The following MUC20 variants were observed in gnomAD, a reference collection of about 807,000 sequenced individuals.
The protein encoded by MUC20 is mucin 20, cell surface associated.
In MUC20, 14 loss-of-function variants were observed where a neutral mutation model predicts 23.8. The ratio of observed to expected loss-of-function variants is 0.59; its 90% CI spans 0.39 to 0.92. The LOEUF (loss-of-function observed/expected upper bound fraction) is 0.92. Ranked by LOEUF, MUC20 falls within the 40% of genes least tolerant of loss-of-function variation. MUC20 has a pLI of 0.00. For missense variants in MUC20, 375 were observed against 668.8 expected (o/e 0.56, Z 4.85); for synonymous variants, 166 against 279.3 (o/e 0.59, Z 4.04).
rs746427196 is a variant in MUC20 at position 195,726,369 on chromosome 3, C to T, written c.1766C>T (p.Thr589Ile). The T allele has an allele frequency of 1.5e-5, 25 of 1,613,888 alleles. No homozygotes were observed. The highest frequency in any genetic ancestry group is 2.0e-5 in the Non-Finnish European group (24 of 1,179,790). Residue 589 changes from threonine (T) to isoleucine (I), a missense_variant, in exon 2 of 4, where the codon ACA (threonine) becomes ATA (isoleucine). Physicochemically the swap from Thr to Ile is moderately conservative, Grantham distance 89. Around this residue, in one of 4 missense-constraint regions of MUC20, gnomAD observed 343 missense variants for 340.2 expected, o/e 1.01. Transcript: ENST00000447234. Reference sequence around the variant, plus strand: ...CTCAAGAACTTCACCCCTTCAGAGACACCGACCATGGACATCGCAACCAAG... The same window carrying T: ...CTCAAGAACTTCACCCCTTCAGAGATACCGACCATGGACATCGCAACCAAG... ...AALKNFTPSE[T>I]PTMDIATKGP... is the part of the protein sequence containing the mutation.
chr3:195,729,314 C>CT lies in MUC20; in HGVS notation c.1970-313dup, dbSNP rs10575022. On this transcript the variant is annotated intron_variant, in intron 2 of 3. Coordinates refer to ENST00000447234, the MANE Select transcript of MUC20 (RefSeq NM_001282506.2). Reference sequence around the variant, plus strand: ...ATATATGTGACTATTTCATCCTCCTCTTTTTTTTTTTTTTTTTTTTTGAGA... The same window carrying CT: ...ATATATGTGACTATTTCATCCTCCTCTTTTTTTTTTTTTTTTTTTTTTGAGA... 9.8e-3 allele frequency: 1,678 copies of CT among 171,250 alleles called. 1 individual carries two copies. The highest frequency in any genetic ancestry group is 0.033 in the African/African-American group (1,157 of 35,322). The allele number at this position is 171,250 out of a possible 1,614,324, so 10.6% of individuals were successfully genotyped here. A position where few individuals can be genotyped will look rare whatever the true frequency, so the allele number is the denominator to read the frequency against.
At chr3:195,723,392 C>T (rs1177386105) in intron 1 of MUC20, among the ~76,000 whole-genome samples, 1 of 97,398 alleles carries the variant, frequency 1.0e-5, no homozygotes, top group Admixed American at 9.1e-5. Context: ...ACTCCAAGAG[C>T]GCCACCTTTG....
At chr3:195,729,400 T>A in intron 2 of MUC20, 2 of 356,270 alleles carry the variant, frequency 5.6e-6, no homozygotes, top group Non-Finnish European at 1.1e-5. Flanking sequence ...CACCACAACC[T>A]CCGCCTCCCA....
chr3:195,730,520 G>GTTTT (rs72121428), intron 3 of MUC20, among the ~76,000 whole-genome samples: 1 of 148,386 alleles, frequency 6.7e-6, no homozygotes, highest in African/African-American at 2.5e-5. Context: ...TAATTTTTAT[G>GTTTT]TTTTTTTTTT....
intron 2 of MUC20, among the ~76,000 whole-genome samples, chr3:195,728,215 G>A: frequency 6.6e-6 from 1 of 152,264 alleles, no homozygotes; most frequent in African/African-American, 2.4e-5. Context: ...TGGGCCCAGG[G>A]GACCGTCGCT....
intron 2 of MUC20, among the ~76,000 whole-genome samples, chr3:195,728,612 G>A (rs1712997543): frequency 1.3e-5 from 2 of 152,048 alleles, no homozygotes; most frequent in Admixed American, 6.5e-5. Flanking sequence ...AGGAGACAGT[G>A]GCCTTCCTCT....
chr3:195,731,995 G>C (rs79063971), intron 3 of MUC20, among the ~76,000 whole-genome samples: 1 of 48,100 alleles, frequency 2.1e-5, no homozygotes, highest in African/African-American at 5.0e-5. Context: ...GTTTTGTTTT[G>C]TTTTGTTTTG....
rs1225817182 is a variant in MUC20 at position 195,729,790 on chromosome 3, C to T, written c.2061+51C>T. On this transcript the variant is annotated intron_variant, in intron 3 of 3. Transcript: ENST00000447234. ...GGAGTAGAGGAAGGGGCGAGGTTCGCAGGGGCTGCAGGGAAGACCCGCAGG... is the reference window on the plus strand; with the variant it reads ...GGAGTAGAGGAAGGGGCGAGGTTCGTAGGGGCTGCAGGGAAGACCCGCAGG... 8 of 1,508,322 alleles carry T rather than the reference C, an allele frequency of 5.3e-6. No individual in the cohort carries two copies. In the African/African-American group the frequency reaches 5.5e-5, roughly 10 times the overall value. The allele number at this position is 1,508,322 out of a possible 1,614,324, so 93.4% of individuals were successfully genotyped here.
rs758072325 is a variant in MUC20 at position 195,726,100 on chromosome 3, A to C, written c.1497A>C (p.Pro499=). 1 of 1,610,080 alleles carries C rather than the reference A, an allele frequency of 6.2e-7. No homozygotes were observed. Among genetic ancestry groups the C allele is most frequent in the African/African-American group, 1.3e-5 (1 of 74,836 alleles). Residue 499 remains proline, a synonymous_variant, in exon 2 of 4, where the codon CCA becomes CCC. Transcript: ENST00000447234. The part of the protein sequence containing the change: ...SAAPDATVGT[P]LPTNSATERE... The stretch of plus-strand genomic sequence containing the variant: ...CACCTGATGCCACGGTTGGGACCCC[A>C]CTCCCCACTAACAGCGCCACAGAAA...
intron 2 of MUC20, chr3:195,729,426 C>A: frequency 1.9e-6 from 1 of 517,580 alleles, no homozygotes. Flanking sequence ...AGGCGATTCT[C>A]CTGCCTCAGC....
At chr3:195,731,126 C>T (rs765997172) in intron 3 of MUC20, among the ~76,000 whole-genome samples, 11 of 152,348 alleles carry the variant, frequency 7.2e-5, no homozygotes, top group Admixed American at 4.6e-4. Flanking sequence ...TTGACAGTGC[C>T]CTTGCTAATA....
chr3:195,729,752 T>C lies in MUC20; in HGVS notation c.2061+13T>C, dbSNP rs147782113. ...GCTGATGCAGCAGGTGAGTGGGCAC[T>C]TTCCGGGCCAGGGGAGTAGAGGAAG... On this transcript the variant is annotated intron_variant, in intron 3 of 3. Coordinates refer to ENST00000447234, the MANE Select transcript of MUC20 (RefSeq NM_001282506.2). 73,498 of 1,581,082 alleles carry C rather than the reference T, an allele frequency of 0.046. 1,927 individuals are homozygous for C. Among genetic ancestry groups the C allele is most frequent in the Non-Finnish European group, 0.056 (65,336 of 1,161,378 alleles).
intron 3 of MUC20, among the ~76,000 whole-genome samples, chr3:195,730,544 G>T (rs1392007204): frequency 6.6e-6 from 1 of 152,074 alleles, no homozygotes; most frequent in Admixed American, 6.5e-5. Context: ...TAGAGACGGG[G>T]TTTCACCGTG....
In MUC20 at chr3:195,726,435, C is replaced by T; in HGVS notation, c.1832C>T (p.Pro611Leu). The change falls in exon 2 of 4, where the codon CCT becomes CTT. Residue 611 changes from proline to leucine, a missense_variant. By Grantham distance (98) the Pro-to-Leu change is moderately conservative. This residue lies in a region of MUC20 where 343 missense variants were observed against 340.2 expected (regional missense o/e 1.01). Transcript: ENST00000447234. Reference protein sequence around the residue: ...PTSRDPLPSVPPTTTNSSRGT... With the variant: ...PTSRDPLPSVLPTTTNSSRGT... ...AGCAGGGACCCTCTTCCTTCTGTCC[C>T]TCCGACTACAACCAACAGCAGCCGA... is the stretch of plus-strand genomic sequence containing the variant. 6 of 1,614,052 alleles carry T rather than the reference C, an allele frequency of 3.7e-6. No individual in the cohort carries two copies. Among genetic ancestry groups the T allele is most frequent in the Non-Finnish European group, 5.1e-6 (6 of 1,179,900 alleles).
In MUC20 at chr3:195,733,160, A is replaced by G; in HGVS notation, c.2072A>G (p.Glu691Gly). The G allele has an allele frequency of 6.3e-7, 1 of 1,591,756 alleles. No individual in the cohort carries two copies. Among genetic ancestry groups the G allele is most frequent in the Non-Finnish European group, 8.5e-7 (1 of 1,170,130 alleles). Residue 691 changes from glutamate (E) to glycine (G), a missense_variant, in exon 4 of 4, where the codon GAA becomes GGA. By Grantham distance (98) the Glu-to-Gly change is moderately conservative. This residue lies in a region of MUC20 where 343 missense variants were observed against 340.2 expected (regional missense o/e 1.01). Coordinates refer to ENST00000447234, the MANE Select transcript of MUC20 (RefSeq NM_001282506.2). The stretch of plus-strand genomic sequence containing the variant: ...TCTTTTGCTCTCCAGCTCCACCGGG[A>G]ACTCCACGCCCACGCGCCTCACTTC... ...AERLMQQLHR[E>G]LHAHAPHFQV...
intron 3 of MUC20, among the ~76,000 whole-genome samples, chr3:195,730,385 G>T (rs4036960): frequency 1.9e-4 from 28 of 149,618 alleles, no homozygotes; most frequent in Non-Finnish European, 4.2e-4. Flanking sequence ...TCGCTCTGTC[G>T]CCCAGGCTGG....
At position 195,729,836 on chromosome 3, in the gene MUC20, C is replaced by T. The variant is rs868627888; in HGVS notation, c.2061+97C>T. 65 of 1,205,452 alleles carry T rather than the reference C, an allele frequency of 5.4e-5. No homozygotes were observed. In the Middle Eastern group the frequency reaches 8.3e-4, roughly 15 times the overall value. The allele number at this position is 1,205,452 out of a possible 1,614,324, so 74.7% of individuals were successfully genotyped here. A position where few individuals can be genotyped will look rare whatever the true frequency, so the allele number is the denominator to read the frequency against. ...GCAGGACACAGAAGAGCAGCTACCG[C>T]GCTTGGAAGGGAGTCTCGTTTCTTA... On this transcript the variant is annotated intron_variant, in intron 3 of 3. Coordinates refer to ENST00000447234, the MANE Select transcript of MUC20 (RefSeq NM_001282506.2).
chr3:195,728,668 A>G (rs1170511132), intron 2 of MUC20, among the ~76,000 whole-genome samples: 4 of 152,120 alleles, frequency 2.6e-5, no homozygotes, highest in Non-Finnish European at 4.4e-5. Flanking sequence ...CCACCTCAGC[A>G]CAGACCCTTT....
intron 3 of MUC20, among the ~76,000 whole-genome samples, chr3:195,732,176 G>A (rs1713460822): frequency 6.6e-6 from 1 of 152,080 alleles, no homozygotes; most frequent in East Asian, 1.9e-4. Context: ...GCTAATTTTT[G>A]TATTTTTAGT....
Sources: allele counts gnomAD v4.1 joint callset (sites outside exome capture counted in the v4.1 genomes callset), GRCh38; gene constraint gnomAD v4.1.1; regional missense constraint gnomAD v4.1.1; transcripts MANE v1.5; gene names NCBI Gene and HGNC (gene_info 2026-07-23, HGNC 2026-07-21).